Variants in TRERF1 observed in about 807,000 individuals in gnomAD.
TRERF1 encodes the protein transcriptional-regulating factor 1.
In TRERF1, 27 loss-of-function variants were observed where a neutral mutation model predicts 122.9. The observed-to-expected ratio is 0.22, with a 90% confidence interval of 0.16 to 0.30. The LOEUF (loss-of-function observed/expected upper bound fraction) is 0.30, where lower values mean the gene tolerates loss of function less well. TRERF1 is among the 10% of genes least tolerant of loss of function. The pLI is 1.00. For synonymous variants in TRERF1, 636 were observed against 641.7 expected (o/e 0.99, Z 0.13); for missense variants, 1,248 against 1,560.3 (o/e 0.80, Z 3.37).
In TRERF1 at chr6:42,435,321, T is replaced by G. The variant is rs534764217; in HGVS notation, c.-454+15856A>C. 1.9e-4 allele frequency among the ~76,000 whole-genome samples: 29 copies of G among 152,300 alleles called. No homozygotes were observed. The South Asian group carries it at 6.0e-3, about 32-fold the overall frequency. ...AAAACATTAATTAAGGGTAAGCTCTTTAAAAGTTTTTGTATTTTTTGAGGA... is the reference window on the plus strand; with the variant it reads ...AAAACATTAATTAAGGGTAAGCTCTGTAAAAGTTTTTGTATTTTTTGAGGA... On this transcript the variant is annotated intron_variant, in intron 2 of 17. Coordinates refer to ENST00000372922, the Ensembl canonical transcript of TRERF1.
intron 2 of TRERF1, among the ~76,000 whole-genome samples, chr6:42,426,834 G>A (rs114259048): frequency 5.3e-4 from 80 of 152,218 alleles, no homozygotes; most frequent in African/African-American, 1.8e-3. Flanking sequence ...TAGAAAGTTT[G>A]CCAATCTTTG....
At chr6:42,236,922 G>A (rs1047894999) in intron 15 of TRERF1, among the ~76,000 whole-genome samples, 3 of 152,182 alleles carry the variant, frequency 2.0e-5, no homozygotes, top group African/African-American at 7.2e-5. Context: ...TTTGACCTGC[G>A]GTGTGCAGAA....
chr6:42,300,025 G>A (rs4714596), intron 4 of TRERF1, among the ~76,000 whole-genome samples: 15,096 of 152,224 alleles, frequency 0.099, 775 homozygotes, highest in African/African-American at 0.12. Flanking sequence ...TCTCTAGGGA[G>A]AATTTATACC....
chr6:42,396,633 C>T (rs1778638866), intron 2 of TRERF1, among the ~76,000 whole-genome samples: 1 of 152,206 alleles, frequency 6.6e-6, no homozygotes, highest in Admixed American at 6.5e-5. Flanking sequence ...GACCCTCTCA[C>T]TTAATAGCTG....
At position 42,269,078 on chromosome 6, in the gene TRERF1, T is replaced by G. The variant is rs759302722; in HGVS notation, c.513A>C (p.Ala171=). Residue 171 remains alanine, a synonymous_variant, in exon 5 of 18, where the codon GCA becomes GCC. Transcript: ENST00000372922. The surrounding 1 kb of genome is among the most constrained non-coding windows in gnomAD (Gnocchi z 4.9). ...CACTGTCAGGGGCTCCATCCATCAC[T>G]GCTGACTGAGTGTGCAGCACCTGGG... 9 of 1,614,224 alleles carry G rather than the reference T, an allele frequency of 5.6e-6. No individual in the cohort carries two copies. Among genetic ancestry groups the G allele is most frequent in the Non-Finnish European group, 6.8e-6 (8 of 1,180,038 alleles).
chr6:42,437,656 G>A (rs887519688), intron 2 of TRERF1, among the ~76,000 whole-genome samples: 1 of 152,116 alleles, frequency 6.6e-6, no homozygotes, highest in Non-Finnish European at 1.5e-5. Flanking sequence ...AGGCGAAATG[G>A]GAGGTAGGAT....
chr6:42,283,925 C>T (rs542622854), intron 4 of TRERF1, among the ~76,000 whole-genome samples: 3 of 152,074 alleles, frequency 2.0e-5, no homozygotes, highest in African/African-American at 7.2e-5. Context: ...CCAAAAAAAA[C>T]CTTTATGTGC....
At chr6:42,389,926 C>T (rs1231658256) in intron 2 of TRERF1, among the ~76,000 whole-genome samples, 2 of 152,216 alleles carry the variant, frequency 1.3e-5, no homozygotes, top group Non-Finnish European at 2.9e-5. Context: ...TCCATCTGGC[C>T]AGCCAGTGAC....
intron 2 of TRERF1, among the ~76,000 whole-genome samples, chr6:42,384,994 T>C (rs755683503): frequency 5.9e-5 from 9 of 152,080 alleles, no homozygotes; most frequent in Non-Finnish European, 8.8e-5. Context: ...TTGGTAAAGA[T>C]GAGGTTTCAC....
At chr6:42,295,905 A>C (rs1031283275) in intron 4 of TRERF1, among the ~76,000 whole-genome samples, 24 of 152,360 alleles carry the variant, frequency 1.6e-4, no homozygotes, top group African/African-American at 5.5e-4. Context: ...ACACATGTCT[A>C]GGTGTAATAT....
chr6:42,397,233 G>A (rs1778748127), intron 2 of TRERF1, among the ~76,000 whole-genome samples: 1 of 152,114 alleles, frequency 6.6e-6, no homozygotes, highest in Admixed American at 6.5e-5. Flanking sequence ...ATGTGTAACT[G>A]GGTTGGGACC....
chr6:42,256,678 G>C, intron 12 of TRERF1, 50 bp downstream of exon 12: 2 of 1,547,482 alleles, frequency 1.3e-6, no homozygotes, highest in Non-Finnish European at 1.8e-6. Context: ...TTGAAACTTG[G>C]GAAAATACTC....
chr6:42,333,411 T>C (rs1765575531), intron 3 of TRERF1, among the ~76,000 whole-genome samples: 1 of 152,180 alleles, frequency 6.6e-6, no homozygotes, highest in Non-Finnish European at 1.5e-5. Context: ...CCAGGGGATG[T>C]TTCCCTTTGT....
intron 3 of TRERF1, among the ~76,000 whole-genome samples, chr6:42,320,618 C>G (rs1763269526): frequency 6.7e-6 from 1 of 150,214 alleles, no homozygotes; most frequent in African/African-American, 2.5e-5. Flanking sequence ...AAGCAATTCT[C>G]CCTACCTCAG....
At chr6:42,424,032 A>G (rs1783244152) in intron 2 of TRERF1, among the ~76,000 whole-genome samples, 1 of 152,254 alleles carries the variant, frequency 6.6e-6, no homozygotes, top group South Asian at 2.1e-4. Flanking sequence ...ATATTACTAA[A>G]ATTCACTCAA....
chr6:42,441,808 G>A (rs1186840548), intron 2 of TRERF1, among the ~76,000 whole-genome samples: 1 of 152,124 alleles, frequency 6.6e-6, no homozygotes, highest in African/African-American at 2.4e-5. Flanking sequence ...TCCCAGTCCA[G>A]AGGGGTGAAA....
At chr6:42,438,572 T>C (rs1785895180) in intron 2 of TRERF1, among the ~76,000 whole-genome samples, 1 of 149,634 alleles carries the variant, frequency 6.7e-6, no homozygotes, top group South Asian at 2.1e-4. Flanking sequence ...ATCACACCAC[T>C]GCACTCCAGC....
chr6:42,310,461 G>A (rs992850462), intron 3 of TRERF1, among the ~76,000 whole-genome samples: 11 of 152,198 alleles, frequency 7.2e-5, no homozygotes, highest in African/African-American at 2.7e-4. Flanking sequence ...TGTACATGGT[G>A]GAGCAGTAGT....
intron 3 of TRERF1, among the ~76,000 whole-genome samples, chr6:42,323,352 C>T (rs1171373476): frequency 1.3e-5 from 2 of 152,048 alleles, no homozygotes; most frequent in African/African-American, 4.8e-5. Context: ...GCATGCACCA[C>T]CACGCCCGGC....
Sources: gnomAD v4.1 joint callset for allele counts (sites outside exome capture counted in the v4.1 genomes callset) on GRCh38, gnomAD v4.1.1 for gene constraint, Gnocchi (gnomAD v3.1) non-coding constraint, MANE v1.5 for transcripts, NCBI Gene and HGNC (gene_info 2026-07-23, HGNC 2026-07-21) for gene names.